Variants in BRD7 observed in about 807,000 individuals in gnomAD.
BRD7 encodes bromodomain-containing protein 7.
In BRD7, 15 loss-of-function variants were observed where a neutral mutation model predicts 82.1. That is an observed-to-expected ratio of 0.18 (90% CI 0.12 to 0.28). The LOEUF (loss-of-function observed/expected upper bound fraction) is 0.28, where lower values mean the gene tolerates loss of function less well. Ranked by LOEUF, BRD7 falls within the 10% of genes least tolerant of loss-of-function variation. BRD7 has a pLI of 1.00. For synonymous variants in BRD7, 232 were observed against 266.9 expected (o/e 0.87, Z 1.27); for missense variants, 638 against 779.9 (o/e 0.82, Z 2.17).
intron 2 of BRD7, among the ~76,000 whole-genome samples, 188 bp downstream of exon 2, chr16:50,367,902 G>A (rs761046271): frequency 4.6e-5 from 7 of 152,080 alleles, no homozygotes; most frequent in Admixed American, 1.3e-4. Context: ...AATTGCCTAA[G>A]AGTATAATCC....
intron 9 of BRD7, 88 bp from the exon 10 acceptor site, chr16:50,326,479 G>GC: frequency 1.3e-6 from 1 of 792,764 alleles, no homozygotes; most frequent in Non-Finnish European, 1.9e-6. Flanking sequence ...ACAAACCACT[G>GC]CATGTCATCT....
intron 10 of BRD7, 64 bp downstream of exon 10, chr16:50,326,220 G>A: frequency 7.5e-7 from 1 of 1,326,418 alleles, no homozygotes; most frequent in African/African-American, 1.4e-5. Flanking sequence ...GCATAATCGT[G>A]CTTCCTTTCC....
intron 1 of BRD7, 146 bp downstream of exon 1, chr16:50,368,580 G>GC: frequency 1.2e-6 from 1 of 856,130 alleles, no homozygotes; most frequent in Non-Finnish European, 1.7e-6. Context: ...GGGGCAGCGC[G>GC]GCCTCCGGCA....
At chr16:50,320,954 C>A (rs2037074858) in intron 13 of BRD7, among the ~76,000 whole-genome samples, 180 bp from the exon 14 acceptor site, 1 of 152,164 alleles carries the variant, frequency 6.6e-6, no homozygotes, top group African/African-American at 2.4e-5. Context: ...AATGCTATTC[C>A]CAAATCTTGG....
intron 5 of BRD7, among the ~76,000 whole-genome samples, chr16:50,343,576 T>C (rs980791224): frequency 2.6e-5 from 4 of 152,208 alleles, no homozygotes; most frequent in African/African-American, 9.7e-5. Flanking sequence ...TGTGACAGAC[T>C]GTACCTGGAA....
intron 5 of BRD7, among the ~76,000 whole-genome samples, chr16:50,346,909 A>G (rs1295203515): frequency 6.6e-6 from 1 of 152,244 alleles, no homozygotes; most frequent in Admixed American, 6.5e-5. Flanking sequence ...AACTCATTTT[A>G]TGAGGCCAGC....
At chr16:50,364,463 A>G (rs1389722313) in intron 2 of BRD7, among the ~76,000 whole-genome samples, 1 of 152,242 alleles carries the variant, frequency 6.6e-6, no homozygotes, top group East Asian at 1.9e-4. Flanking sequence ...CTACAGAACC[A>G]GTGACACCCC....
chr16:50,323,973 T>G (rs1343889715), intron 11 of BRD7, among the ~76,000 whole-genome samples: 1 of 152,128 alleles, frequency 6.6e-6, no homozygotes, highest in Non-Finnish European at 1.5e-5. Context: ...GCCCCCTCAC[T>G]TCCTGTCTGC....
intron 5 of BRD7, among the ~76,000 whole-genome samples, chr16:50,348,074 T>C (rs2038362974): frequency 6.6e-6 from 1 of 152,034 alleles, no homozygotes; most frequent in Non-Finnish European, 1.5e-5. Flanking sequence ...CAGAGAACAA[T>C]GGAACAGAAC....
chr16:50,355,270 T>C (rs568933256), intron 2 of BRD7, among the ~76,000 whole-genome samples: 2 of 152,334 alleles, frequency 1.3e-5, no homozygotes, highest in Admixed American at 6.5e-5. Flanking sequence ...GGAGATATAC[T>C]ATGTTCATGA....
chr16:50,343,442 A>T (rs1486945483), intron 5 of BRD7, among the ~76,000 whole-genome samples: 1 of 152,224 alleles, frequency 6.6e-6, no homozygotes, highest in Non-Finnish European at 1.5e-5. Context: ...TACTGGGTTC[A>T]TCTCACTGGG....
chr16:50,345,062 C>T (rs535087122), intron 5 of BRD7, among the ~76,000 whole-genome samples: 1 of 152,330 alleles, frequency 6.6e-6, no homozygotes, highest in Admixed American at 6.5e-5. Flanking sequence ...AGACTAACAG[C>T]AGATCTCTCA....
chr16:50,349,405 T>C (rs1225716980), intron 5 of BRD7: 1 of 351,504 alleles, frequency 2.8e-6, no homozygotes, highest in Non-Finnish European at 5.5e-6. Flanking sequence ...AAAAAAAAAT[T>C]AAAAAAATGT....
chr16:50,334,639 C>A (rs1430743270), intron 7 of BRD7, 72 bp downstream of exon 7: 2 of 1,541,540 alleles, frequency 1.3e-6, no homozygotes, highest in African/African-American at 2.8e-5. Context: ...AAGTCAGGCC[C>A]CGAATAAGTA....
Position 50,368,736 on chromosome 16 carries a change from G to A in BRD7, c.39C>T (p.His13=), listed in dbSNP as rs755848184. 1.9e-6 allele frequency: 3 copies of A among 1,556,974 alleles called. No homozygotes were observed. Among genetic ancestry groups the A allele is most frequent in the Admixed American group, 1.9e-5 (1 of 53,570 alleles). Residue 13 remains histidine (H), a synonymous_variant, in exon 1 of 17, where the codon CAC becomes CAT. Transcript: ENST00000394688. The part of the protein sequence containing the change: ...KKHKKHKSDK[H]LYEEYVEKPL... ...CGGCCCCCTCCTCACCCTCGTAGAGGTGTTTGTCCGACTTGTGCTTCTTGT... is the reference window on the plus strand; with the variant it reads ...CGGCCCCCTCCTCACCCTCGTAGAGATGTTTGTCCGACTTGTGCTTCTTGT...
chr16:50,339,814 C>G (rs1350970261), intron 6 of BRD7, among the ~76,000 whole-genome samples, 162 bp downstream of exon 6: 1 of 152,040 alleles, frequency 6.6e-6, no homozygotes, highest in African/African-American at 2.4e-5. Context: ...ATTTTCTTCT[C>G]TTTATTAAAA....
intron 4 of BRD7, among the ~76,000 whole-genome samples, chr16:50,352,157 T>G (rs115886490): frequency 6.6e-6 from 1 of 152,228 alleles, no homozygotes; most frequent in African/African-American, 2.4e-5. Flanking sequence ...GATGATGTCA[T>G]ATTTGTGCCC....
Position 50,331,243 on chromosome 16 carries a change from C to T in BRD7, c.1011+2331G>A, listed in dbSNP as rs185572100. Among the ~76,000 whole-genome samples, 5 of 152,334 alleles carry T rather than the reference C, an allele frequency of 3.3e-5. No individual in the cohort carries two copies. The East Asian group carries it at 9.6e-4, about 29-fold the overall frequency. ...GTTAAAACGTCCATACTGTCTAAAG[C>T]AATCTACAGATTCAATGCTATTCCT... On this transcript the variant is annotated intron_variant, in intron 8 of 16. Transcript: ENST00000394688.
chr16:50,366,279 G>A (rs2039140230), intron 2 of BRD7, among the ~76,000 whole-genome samples: 1 of 152,212 alleles, frequency 6.6e-6, no homozygotes, highest in Non-Finnish European at 1.5e-5. Flanking sequence ...TCAAGAAAGA[G>A]GAAGGCATGA....
Sources: gnomAD v4.1 joint callset for allele counts (sites outside exome capture counted in the v4.1 genomes callset) on GRCh38, gnomAD v4.1.1 for gene constraint, MANE v1.5 for transcripts, NCBI Gene and HGNC (gene_info 2026-07-23, HGNC 2026-07-21) for gene names.